The following NCOR1 variants were observed in gnomAD, a reference collection of about 807,000 sequenced individuals.
NCOR1 encodes the protein protein phosphatase 1, regulatory subunit 109.
In NCOR1, 63 loss-of-function variants were observed where a neutral mutation model predicts 288.1. That is an observed-to-expected ratio of 0.22 (90% CI 0.18 to 0.27). The LOEUF (loss-of-function observed/expected upper bound fraction) is 0.27, where lower values mean the gene tolerates loss of function less well. NCOR1 is among the 10% of genes least tolerant of loss of function. The probability of loss-of-function intolerance (pLI) is 1.00; values close to 1 mark genes in which losing one functional copy is unlikely to be tolerated. For synonymous variants in NCOR1, 1,007 were observed against 1,065.9 expected, an observed-to-expected ratio of 0.94 and a Z score of 1.08; for missense variants, 2,397 against 3,019.2, an observed-to-expected ratio of 0.79 and a Z score of 4.83.
chr17:16,109,045 G>A (rs1167937360), intron 18 of NCOR1, 133 bp from the exon 19 acceptor site: 5 of 704,328 alleles, frequency 7.1e-6, no homozygotes, highest in Non-Finnish European at 1.0e-5. Flanking sequence ...CAATAGTTCT[G>A]GTTAAAGTGC....
chr17:16,168,454 G>A (rs796569622), intron 4 of NCOR1, among the ~76,000 whole-genome samples: 1 of 151,838 alleles, frequency 6.6e-6, no homozygotes, highest in South Asian at 2.1e-4. Context: ...GCCCGCCTCG[G>A]CCTCCCAAAG....
chr17:16,113,581 C>G (rs926962379), intron 18 of NCOR1, among the ~76,000 whole-genome samples: 3 of 151,900 alleles, frequency 2.0e-5, no homozygotes, highest in Admixed American at 2.0e-4. Context: ...TATCAAGGAA[C>G]CCTTCATACT....
chr17:16,127,326 TATGTATATATAC>T lies in NCOR1; in HGVS notation c.1510-1132_1510-1121del, dbSNP rs2074467831. ...GTATATATACATGTATGTATATATG[TATGTATATATAC>T]ATGTATGTATATATGTATGTATATA... On this transcript the variant is annotated intron_variant, in intron 14 of 45. Coordinates refer to ENST00000268712, the MANE Select transcript of NCOR1 (RefSeq NM_006311.4). Among the ~76,000 whole-genome samples the T allele has an allele frequency of 2.4e-5, 3 of 125,850 alleles. 1 individual carries two copies. The highest frequency in any genetic ancestry group is 1.0e-4 in the African/African-American group (3 of 29,764). The allele number at this position is 125,850 out of a possible 152,430, so 82.6% of individuals were successfully genotyped here. A position where few individuals can be genotyped will look rare whatever the true frequency, so the allele number is the denominator to read the frequency against.
chr17:16,146,323 A>T, intron 10 of NCOR1, 53 bp downstream of exon 10: 3 of 1,507,634 alleles, frequency 2.0e-6, no homozygotes, highest in Non-Finnish European at 2.7e-6. Context: ...AAAAAAAGAA[A>T]CAATAAATAT....
chr17:16,148,411 C>T (rs2078321550), intron 9 of NCOR1, among the ~76,000 whole-genome samples: 1 of 152,126 alleles, frequency 6.6e-6, no homozygotes, highest in African/African-American at 2.4e-5. Context: ...ACTGACCTGT[C>T]TGACTTCCAT....
At position 16,137,601 on chromosome 17, in the gene NCOR1, TAGAC is replaced by T. The variant is rs555211974; in HGVS notation, c.1408-193_1408-190del. Among the ~76,000 whole-genome samples, 45 of 152,334 alleles carry T rather than the reference TAGAC, an allele frequency of 3.0e-4. 2 individuals are homozygous for T. In the East Asian group the frequency reaches 8.3e-3, roughly 28 times the overall value. ...ATTTACATTATAGGTACTATTTTAA[TAGAC>T]AGTTACAGTTGTTAATCCAAATTAT... On this transcript the variant is annotated intron_variant, in intron 13 of 45. Transcript: ENST00000268712.
chr17:16,039,614 G>A lies in NCOR1; in HGVS notation c.6774C>T (p.Ala2258=). 1 of 1,614,060 alleles carries A rather than the reference G, an allele frequency of 6.2e-7. No individual in the cohort carries two copies. The highest frequency in any genetic ancestry group is 8.5e-7 in the Non-Finnish European group (1 of 1,180,018). The change falls in exon 44 of 46, where the codon GCC becomes GCT. Residue 2258 remains alanine (A), a synonymous_variant. Transcript: ENST00000268712. ...TAATGTCTTCCAGCCCAAGATTACT[G>A]GCAGGATCAGCAAAAGAATGGCCTC... is the stretch of plus-strand genomic sequence containing the variant. The part of the protein sequence containing the change: ...SSRGHSFADP[A]SNLGLEDIIR...
At chr17:16,121,679 A>G (rs1297495741) in intron 15 of NCOR1, among the ~76,000 whole-genome samples, 1 of 152,238 alleles carries the variant, frequency 6.6e-6, no homozygotes, top group Non-Finnish European at 1.5e-5. Context: ...TGAAGAAGCT[A>G]AAATAGATGA....
intron 20 of NCOR1, among the ~76,000 whole-genome samples, chr17:16,100,862 G>A (rs912834988): frequency 2.6e-5 from 4 of 152,118 alleles, no homozygotes; most frequent in Non-Finnish European, 5.9e-5. Flanking sequence ...TTGTTTTGAG[G>A]TTGCACTGCC....
At chr17:16,165,200 A>C (rs2081789161) in intron 4 of NCOR1, 39 bp from the exon 5 acceptor site, 3 of 1,523,252 alleles carry the variant, frequency 2.0e-6, no homozygotes, top group Non-Finnish European at 2.6e-6. Context: ...TTTATTTCTC[A>C]CTAATAGAGT....
intron 21 of NCOR1, among the ~76,000 whole-genome samples, chr17:16,095,660 G>T (rs2066417878): frequency 6.8e-5 from 1 of 14,652 alleles, no homozygotes. Context: ...GTCCGGGAGG[G>T]AGGTGGGGGG....
Position 16,091,957 on chromosome 17 carries a change from C to A in NCOR1, c.2922G>T (p.Glu974Asp). 1 of 1,614,256 alleles carries A rather than the reference C, an allele frequency of 6.2e-7. No homozygotes were observed. Among genetic ancestry groups the A allele is most frequent in the Non-Finnish European group, 8.5e-7 (1 of 1,180,046 alleles). ...IKAMHESALL[E>D]EQRQRQEQID... ...TCTGTTCTTGTCTCTGCCGCTGCTC[C>A]TCCAGGAGTGCTGACTCATGCATTG... Residue 974 changes from glutamate to aspartate, a missense_variant, in exon 22 of 46, where the codon GAG becomes GAT. Coordinates refer to ENST00000268712, the MANE Select transcript of NCOR1 (RefSeq NM_006311.4).
At chr17:16,126,462 C>T (rs73981462) in intron 14 of NCOR1, among the ~76,000 whole-genome samples, 11,755 of 152,048 alleles carry the variant, frequency 0.077, 664 homozygotes, top group African/African-American at 0.17. Context: ...AGATTCTACT[C>T]GGAAATCTGG....
chr17:16,210,618 T>A (rs952122764), intron 1 of NCOR1, among the ~76,000 whole-genome samples: 1 of 152,182 alleles, frequency 6.6e-6, no homozygotes, highest in Non-Finnish European at 1.5e-5. Flanking sequence ...TAGATCAGTA[T>A]CAATTTTTTC....
intron 21 of NCOR1, 71 bp downstream of exon 21, chr17:16,098,296 A>G: frequency 1.4e-6 from 2 of 1,464,630 alleles, no homozygotes; most frequent in South Asian, 2.4e-5. Flanking sequence ...CCAATTAAAG[A>G]ACAGAAGAAA....
At chr17:16,166,512 C>T (rs1160349126) in intron 4 of NCOR1, among the ~76,000 whole-genome samples, 2 of 152,152 alleles carry the variant, frequency 1.3e-5, no homozygotes, top group African/African-American at 2.4e-5. Context: ...AACCCCGTCT[C>T]TACTAAAAAA....
At chr17:16,034,593 A>G (rs1172574238) in intron 45 of NCOR1, among the ~76,000 whole-genome samples, 172 bp downstream of exon 45, 2 of 152,084 alleles carry the variant, frequency 1.3e-5, no homozygotes, top group Admixed American at 6.5e-5. Flanking sequence ...GGGTGACAGA[A>G]CAAGACCCCT....
At chr17:16,110,959 A>C (rs1351778206) in intron 18 of NCOR1, among the ~76,000 whole-genome samples, 1 of 152,226 alleles carries the variant, frequency 6.6e-6, no homozygotes, top group Non-Finnish European at 1.5e-5. Context: ...AAGGATAATA[A>C]CTACTTTTAA....
At chr17:16,074,942 A>T (rs1024787964) in intron 27 of NCOR1, among the ~76,000 whole-genome samples, 163 of 152,226 alleles carry the variant, frequency 1.1e-3, no homozygotes, top group African/African-American at 3.8e-3. Context: ...ATCTCAGCTC[A>T]CTGCAAGTTC....
Sources: allele counts gnomAD v4.1 joint callset (sites outside exome capture counted in the v4.1 genomes callset), GRCh38; gene constraint gnomAD v4.1.1; transcripts MANE v1.5; gene names NCBI Gene and HGNC (gene_info 2026-07-23, HGNC 2026-07-21).